DPP6: variants seen among roughly 807,000 people sequenced by gnomAD.
DPP6 encodes the protein dipeptidyl peptidase like 6, also known as A-type potassium channel modulatory protein DPP6.
DPP6 carries 69 observed loss-of-function variants against 122.6 expected under a neutral mutation model. The observed-to-expected ratio is 0.56, with a 90% CI of 0.46 to 0.69. The LOEUF (loss-of-function observed/expected upper bound fraction) is 0.69, where lower values mean the gene tolerates loss of function less well. Ranked by LOEUF, DPP6 falls within the 30% of genes least tolerant of loss-of-function variation. The probability of loss-of-function intolerance (pLI) is 0.00; values close to 1 mark genes in which losing one functional copy is unlikely to be tolerated. For missense variants in DPP6, 928 were observed against 1,116.9 expected, an observed-to-expected ratio of 0.83 and a Z score of 2.41; for synonymous variants, 418 against 433.1, an observed-to-expected ratio of 0.97 and a Z score of 0.43.
chr7:154,536,233 A>C (rs553399291), intron 3 of DPP6, among the ~76,000 whole-genome samples: 23 of 152,296 alleles, frequency 1.5e-4, no homozygotes, highest in African/African-American at 5.5e-4. Flanking sequence ...AAGAAATTCT[A>C]GGAGAGGCAA....
At chr7:154,470,332 C>T (rs941458891) in intron 2 of DPP6, among the ~76,000 whole-genome samples, 11 of 152,144 alleles carry the variant, frequency 7.2e-5, no homozygotes, top group African/African-American at 2.2e-4. Context: ...TCATTGCACT[C>T]GGAAGACTAT....
intron 1 of DPP6, among the ~76,000 whole-genome samples, chr7:154,154,401 G>T (rs1796580437): frequency 6.6e-6 from 1 of 152,160 alleles, no homozygotes; most frequent in Non-Finnish European, 1.5e-5. Flanking sequence ...TGATAATTCA[G>T]CTGCCTGGGA....
intron 13 of DPP6, among the ~76,000 whole-genome samples, chr7:154,801,790 G>C (rs1240076742): frequency 6.6e-6 from 1 of 152,064 alleles, no homozygotes; most frequent in Non-Finnish European, 1.5e-5. Flanking sequence ...CCTCTGCTGA[G>C]GGTCTCCTTA....
At chr7:154,867,087 C>A (rs964774913) in intron 17 of DPP6, among the ~76,000 whole-genome samples, 1 of 151,830 alleles carries the variant, frequency 6.6e-6, no homozygotes, top group African/African-American at 2.4e-5. Flanking sequence ...GCACAAATTG[C>A]AGCTGCTTCC....
intron 1 of DPP6, among the ~76,000 whole-genome samples, chr7:154,195,234 C>G (rs937673789): frequency 3.9e-5 from 6 of 152,256 alleles, no homozygotes; most frequent in Middle Eastern, 3.4e-3. Flanking sequence ...AAAGACGATC[C>G]TTCCTCCTTG....
At chr7:154,818,541 T>C (rs906195689) in intron 16 of DPP6, among the ~76,000 whole-genome samples, 1 of 152,242 alleles carries the variant, frequency 6.6e-6, no homozygotes, top group African/African-American at 2.4e-5. Flanking sequence ...GTTTGCGTCT[T>C]CATTGATAAA....
At chr7:153,798,541 C>T in the DPP6 span, among the ~76,000 whole-genome samples, 248 of 152,176 alleles carry the variant, frequency 1.6e-3, no homozygotes, top group African/African-American at 5.7e-3. Context: ...GTGGAGGACC[C>T]CTAAGTAAAA....
At chr7:154,132,261 T>G (rs1795322569) in intron 1 of DPP6, among the ~76,000 whole-genome samples, 2 of 152,224 alleles carry the variant, frequency 1.3e-5, no homozygotes, top group South Asian at 4.1e-4. Context: ...GACTATGTAT[T>G]TCCCTTGGCT....
Position 154,481,555 on chromosome 7 carries a change from A to G in DPP6, c.457+6518A>G, listed in dbSNP as rs1823305542. Among the ~76,000 whole-genome samples, 1 of 144,958 alleles carries G rather than the reference A, an allele frequency of 6.9e-6. No homozygotes were observed. The highest frequency in any genetic ancestry group is 1.5e-5 in the Non-Finnish European group (1 of 67,006). On this transcript the variant is annotated intron_variant, in intron 3 of 25. Transcript: ENST00000377770. The surrounding 1 kb of genome is among the most constrained non-coding windows in gnomAD (Gnocchi z 4.2). ...CGACCCTCCATGTCTCAGACTCTAC[A>G]TGATCTGTTTACTCTCCTGACTCAT... is the stretch of plus-strand genomic sequence containing the variant.
chr7:154,304,789 CCCTT>C (rs1248213528), intron 1 of DPP6, among the ~76,000 whole-genome samples: 1 of 152,214 alleles, frequency 6.6e-6, no homozygotes, highest in Non-Finnish European at 1.5e-5. Flanking sequence ...CTCCCAGACC[CCCTT>C]CCTTCTCAAA....
intron 1 of DPP6, among the ~76,000 whole-genome samples, chr7:153,918,566 G>GTCTCTC (rs59605527): frequency 6.7e-5 from 7 of 104,468 alleles, no homozygotes; most frequent in South Asian, 3.8e-4. Context: ...CACACACACA[G>GTCTCTC]TCTCTCTCTC....
At chr7:154,415,422 G>A (rs1259338910) in intron 1 of DPP6, among the ~76,000 whole-genome samples, 2 of 152,088 alleles carry the variant, frequency 1.3e-5, no homozygotes, top group Non-Finnish European at 1.5e-5. Context: ...CCTTCCTCAA[G>A]CATGCTTAAA....
chr7:154,132,118 T>C (rs969822386), intron 1 of DPP6, among the ~76,000 whole-genome samples: 4 of 151,652 alleles, frequency 2.6e-5, no homozygotes, highest in African/African-American at 9.8e-5. Flanking sequence ...TAGGTCTTAG[T>C]GTTCTACCTG....
chr7:154,159,395 CT>C (rs1186865951), intron 1 of DPP6, among the ~76,000 whole-genome samples: 2 of 152,108 alleles, frequency 1.3e-5, no homozygotes, highest in South Asian at 2.1e-4. Context: ...GGATTTTTAC[CT>C]TTTTTTTCAT....
chr7:154,316,618 G>A (rs1807451516), intron 1 of DPP6, among the ~76,000 whole-genome samples: 1 of 152,138 alleles, frequency 6.6e-6, no homozygotes, highest in Non-Finnish European at 1.5e-5. Context: ...AGAAAGATGG[G>A]GAATCAAGAT....
At chr7:153,909,677 AAGG>A (rs1366236633) in intron 1 of DPP6, among the ~76,000 whole-genome samples, 1 of 152,160 alleles carries the variant, frequency 6.6e-6, no homozygotes, top group Non-Finnish European at 1.5e-5. Context: ...TAAGTCTCTG[AAGG>A]AGCTCAGGAA....
In DPP6 at chr7:154,040,154, A is replaced by G. The variant is rs545872395; in HGVS notation, c.51+152420A>G. The stretch of plus-strand genomic sequence containing the variant: ...TTGGCTGAATTCATCCGAGGGTTAT[A>G]CAAATCAAAAACTGTAAGTGGAGAG... On this transcript the variant is annotated intron_variant, in intron 1 of 25. Coordinates refer to the DPP6 transcript ENST00000404039. Among the ~76,000 whole-genome samples, 82 of 139,508 alleles carry G rather than the reference A, an allele frequency of 5.9e-4. 5 individuals are homozygous for G. The South Asian group carries it at 0.017, about 28-fold the overall frequency. The allele number at this position is 139,508 out of a possible 152,430, so 91.5% of individuals were successfully genotyped here.
chr7:154,466,079 A>G (rs999107790), intron 2 of DPP6, among the ~76,000 whole-genome samples: 2 of 152,182 alleles, frequency 1.3e-5, no homozygotes, highest in African/African-American at 4.8e-5. Context: ...GCTGTAAACT[A>G]TCATTCTCAG....
chr7:154,031,915 G>T (rs530381071), intron 1 of DPP6, among the ~76,000 whole-genome samples: 1 of 147,990 alleles, frequency 6.8e-6, no homozygotes, highest in Non-Finnish European at 1.5e-5. Context: ...AGGCTGGAGC[G>T]CAGTGGCACA....
Sources: allele counts gnomAD v4.1 joint callset (sites outside exome capture counted in the v4.1 genomes callset), GRCh38; gene constraint gnomAD v4.1.1; non-coding constraint Gnocchi (gnomAD v3.1); transcripts MANE v1.5; gene names NCBI Gene and HGNC (gene_info 2026-07-23, HGNC 2026-07-21).